The following TMEM203 variants were observed in gnomAD, a reference collection of about 807,000 sequenced individuals.
TMEM203 encodes HBeAg-binding protein 1.
TMEM203 carries 4 observed loss-of-function variants against 7.9 expected under a neutral mutation model. The observed-to-expected ratio is 0.51, with a 90% CI of 0.25 to 1.16. TMEM203 has a LOEUF of 1.16. Ranked by LOEUF, TMEM203 falls within the 50% of genes most tolerant of loss-of-function variation. TMEM203 has a pLI of 0.15. For missense variants in TMEM203, 127 were observed against 174.4 expected, an observed-to-expected ratio of 0.73 and a Z score of 1.53; for synonymous variants, 92 against 82.5, an observed-to-expected ratio of 1.11 and a Z score of -0.62.
In TMEM203 at chr9:137,205,458, C is replaced by T. The variant is rs764463598; in HGVS notation, c.-44G>A. The T allele has an allele frequency of 3.4e-6, 5 of 1,455,904 alleles. No homozygotes were observed. In the South Asian group the frequency reaches 7.0e-5, roughly 20 times the overall value. 90.2% of individuals were successfully genotyped at this position (1,455,904 alleles called of 1,614,324 possible). ...GCCGGGGCCCGGCCGAGCGTGCCACCCGCGGGGCTGCGTCTCCTCTCCCCG... is the reference window on the plus strand; with the variant it reads ...GCCGGGGCCCGGCCGAGCGTGCCACTCGCGGGGCTGCGTCTCCTCTCCCCG... On this transcript the variant is annotated 5_prime_UTR_variant, in exon 1 of 1. Transcript: ENST00000343666.
In TMEM203 at chr9:137,205,355, G is replaced by A. The variant is rs1284112452; in HGVS notation, c.60C>T (p.Phe20=). The change falls in exon 1 of 1, where the codon TTC becomes TTT. Residue 20 remains phenylalanine, a synonymous_variant. Transcript: ENST00000343666. ...QWLGFATFEI[F]VHLLALLVFS... ...ACACCAACAGGGCCAGCAGGTGCAC[G>A]AAGATCTCGAAGGTGGCGAAGCCTA... 8.1e-6 allele frequency: 13 copies of A among 1,606,624 alleles called. No individual in the cohort carries two copies. The African/African-American group carries it at 1.6e-4, about 20-fold the overall frequency.
Position 137,205,537 on chromosome 9 carries a change from C to T in TMEM203, c.-123G>A. On this transcript the variant is annotated 5_prime_UTR_variant, in exon 1 of 1. Coordinates refer to ENST00000343666, the MANE Select transcript of TMEM203 (RefSeq NM_053045.2). ...CTGCGAGCGAGAGGCAGCGAGCGGCCCCGCCAGCCCCAGCCCTCGGCCCTG... is the reference window on the plus strand; with the variant it reads ...CTGCGAGCGAGAGGCAGCGAGCGGCTCCGCCAGCCCCAGCCCTCGGCCCTG... 8.3e-7 allele frequency: 1 copy of T among 1,200,712 alleles called. No homozygotes were observed. Among genetic ancestry groups the T allele is most frequent in the Non-Finnish European group, 1.1e-6 (1 of 926,352 alleles). 74.4% of individuals were successfully genotyped at this position (1,200,712 alleles called of 1,614,324 possible).
In TMEM203 at chr9:137,205,297, G is replaced by A. The variant is rs11545810; in HGVS notation, c.118C>T (p.Leu40=). ...SVLLALRVDG[L]VPGLSWWNVF... Reference sequence around the variant, plus strand: ...TTCCACCAGGAGAGGCCCGGGACCAGGCCATCCACACGCAGTGCCAGCAGC... The same window carrying A: ...TTCCACCAGGAGAGGCCCGGGACCAAGCCATCCACACGCAGTGCCAGCAGC... Residue 40 remains leucine (L), a synonymous_variant, in exon 1 of 1, where the codon CTG becomes TTG. Coordinates refer to ENST00000343666, the MANE Select transcript of TMEM203 (RefSeq NM_053045.2). 1 of 1,611,302 alleles carries A rather than the reference G, an allele frequency of 6.2e-7. No homozygotes were observed. Among genetic ancestry groups the A allele is most frequent in the East Asian group, 2.2e-5 (1 of 44,814 alleles).
At position 137,205,601 on chromosome 9, in the gene TMEM203, C is replaced by G; in HGVS notation, c.-187G>C. The G allele has an allele frequency of 7.8e-7, 1 of 1,283,990 alleles. No homozygotes were observed. The highest frequency in any genetic ancestry group is 1.1e-6 in the Non-Finnish European group (1 of 946,554). The allele number at this position is 1,283,990 out of a possible 1,614,324, so 79.5% of individuals were successfully genotyped here. The stretch of plus-strand genomic sequence containing the variant: ...CCCCCGGCCCCGACCCGGGACTCAA[C>G]CCTGGCCGCCCGTGAACGCCCGCCT... On this transcript the variant is annotated 5_prime_UTR_variant, in exon 1 of 1. Coordinates refer to ENST00000343666, the MANE Select transcript of TMEM203 (RefSeq NM_053045.2).
chr9:137,205,393 G>C lies in TMEM203; in HGVS notation c.22C>G (p.Leu8Val), dbSNP rs935276970. MLFSLRELVQWLGFATFE... is the reference protein window; with the variant it reads MLFSLREVVQWLGFATFE... ...GTGGCGAAGCCTAGCCACTGCACCA[G>C]CTCCCGGAGCGAGAAGAGCATCGCG... is the stretch of plus-strand genomic sequence containing the variant. Residue 8 changes from leucine to valine, a missense_variant, in exon 1 of 1, where the codon CTG becomes GTG. By Grantham distance (32) the Leu-to-Val change is conservative. Transcript: ENST00000343666. 8 of 1,585,264 alleles carry C rather than the reference G, an allele frequency of 5.0e-6. No individual in the cohort carries two copies. The highest frequency in any genetic ancestry group is 6.9e-6 in the Non-Finnish European group (8 of 1,164,316).
In TMEM203 at chr9:137,205,615, G is replaced by C; in HGVS notation, c.-201C>G. 7.5e-7 allele frequency: 1 copy of C among 1,333,520 alleles called. No homozygotes were observed. The highest frequency in any genetic ancestry group is 1.0e-6 in the Non-Finnish European group (1 of 982,434). 82.6% of individuals were successfully genotyped at this position (1,333,520 alleles called of 1,614,324 possible). ...CCGGGACTCAACCCTGGCCGCCCGT[G>C]AACGCCCGCCTCGATCGGACGCCAT... is the stretch of plus-strand genomic sequence containing the variant. On this transcript the variant is annotated 5_prime_UTR_variant, in exon 1 of 1. It introduces an in-frame stop codon into an upstream open reading frame of the 5' UTR. Transcript: ENST00000343666.
Position 137,205,613 on chromosome 9 carries a change from G to A in TMEM203, c.-199C>T. On this transcript the variant is annotated 5_prime_UTR_variant, in exon 1 of 1. It adds an upstream start codon to the 5' untranslated region. Coordinates refer to ENST00000343666, the MANE Select transcript of TMEM203 (RefSeq NM_053045.2). ...ACCCGGGACTCAACCCTGGCCGCCC[G>A]TGAACGCCCGCCTCGATCGGACGCC... The A allele has an allele frequency of 7.6e-7, 1 of 1,322,952 alleles. No individual in the cohort carries two copies. The highest frequency in any genetic ancestry group is 2.1e-5 in the Admixed American group (1 of 46,986). 82.0% of individuals were successfully genotyped at this position (1,322,952 alleles called of 1,614,324 possible).
chr9:137,205,212 G>C lies in TMEM203; in HGVS notation c.203C>G (p.Ser68Cys). 6.2e-7 allele frequency: 1 copy of C among 1,612,400 alleles called. No homozygotes were observed. The highest frequency in any genetic ancestry group is 1.1e-5 in the South Asian group (1 of 90,998). Residue 68 changes from serine to cysteine, a missense_variant, in exon 1 of 1, where the codon TCC becomes TGC. By Grantham distance (112) the Ser-to-Cys change is moderately radical. Transcript: ENST00000343666. ...GLSTYFTTIVSVRLFQDGEKR... is the reference protein window; with the variant it reads ...GLSTYFTTIVCVRLFQDGEKR... ...CTCTCCATCCTGGAAGAGGCGCACG[G>C]ACACGATGGTGGTGAAGTAGGTGCT...
In TMEM203 at chr9:137,204,927, G is replaced by A; in HGVS notation, c.*77C>T. The A allele has an allele frequency of 6.6e-7, 1 of 1,515,244 alleles. No homozygotes were observed. Among genetic ancestry groups the A allele is most frequent in the Non-Finnish European group, 8.9e-7 (1 of 1,129,330 alleles). 93.9% of individuals were successfully genotyped at this position (1,515,244 alleles called of 1,614,324 possible). On this transcript the variant is annotated 3_prime_UTR_variant, in exon 1 of 1. Transcript: ENST00000343666. ...TTCAGACTAGAGAGCCTCTCCTCCG[G>A]TGCGCTGCAAGTAGGGCCTCGGCTC...
rs753212061 is a variant in TMEM203 at position 137,205,214 on chromosome 9, C to T, written c.201G>A (p.Val67=). 1.2e-6 allele frequency: 2 copies of T among 1,612,420 alleles called. No homozygotes were observed. Among genetic ancestry groups the T allele is most frequent in the Non-Finnish European group, 1.7e-6 (2 of 1,179,718 alleles). Residue 67 remains valine (V), a synonymous_variant, in exon 1 of 1, where the codon GTG becomes GTA. Transcript: ENST00000343666. The part of the protein sequence containing the change: ...DGLSTYFTTI[V]SVRLFQDGEK... ...CTCCATCCTGGAAGAGGCGCACGGACACGATGGTGGTGAAGTAGGTGCTGA... is the reference window on the plus strand; with the variant it reads ...CTCCATCCTGGAAGAGGCGCACGGATACGATGGTGGTGAAGTAGGTGCTGA...
Position 137,205,425 on chromosome 9 carries a change from G to C in TMEM203, c.-11C>G. On this transcript the variant is annotated 5_prime_UTR_variant, in exon 1 of 1. Transcript: ENST00000343666. ...GAGCGAGAAGAGCATCGCGCCCGTT[G>C]AGCGCGGGCCGGGGCCCGGCCGAGC... 2.6e-6 allele frequency: 4 copies of C among 1,542,172 alleles called. No homozygotes were observed. The highest frequency in any genetic ancestry group is 1.2e-5 in the South Asian group (1 of 84,494).
Position 137,204,239 on chromosome 9 carries a change from T to C in TMEM203, c.*765A>G, listed in dbSNP as rs1307635765. ...GTGCCTATGAGTATCTGACACCTGT[T>C]CCTCTCTTCAGTCTCTTAGGGAGGC... On this transcript the variant is annotated 3_prime_UTR_variant, in exon 1 of 1. Coordinates refer to ENST00000343666, the MANE Select transcript of TMEM203 (RefSeq NM_053045.2). 1 of 152,198 alleles carries C rather than the reference T, an allele frequency of 6.6e-6. No homozygotes were observed. Among genetic ancestry groups the C allele is most frequent in the Non-Finnish European group, 1.5e-5 (1 of 68,036 alleles). 9.4% of individuals were successfully genotyped at this position (152,198 alleles called of 1,614,324 possible).
In TMEM203 at chr9:137,204,164, G is replaced by T. The variant is rs142871781; in HGVS notation, c.*840C>A. On this transcript the variant is annotated 3_prime_UTR_variant, in exon 1 of 1. Coordinates refer to ENST00000343666, the MANE Select transcript of TMEM203 (RefSeq NM_053045.2). ...CCTGACTGGCATCAAACCAAAGTTC[G>T]TAGGCCAACAAAGATGGGCCACTCA... 1 of 152,170 alleles carries T rather than the reference G, an allele frequency of 6.6e-6. No homozygotes were observed. The highest frequency in any genetic ancestry group is 2.1e-4 in the South Asian group (1 of 4,834). The allele number at this position is 152,170 out of a possible 1,614,324, so 9.4% of individuals were successfully genotyped here. A position where few individuals can be genotyped will look rare whatever the true frequency, so the allele number is the denominator to read the frequency against.
chr9:137,204,258 G>C lies in TMEM203; in HGVS notation c.*746C>G, dbSNP rs1239943407. 26 of 152,166 alleles carry C rather than the reference G, an allele frequency of 1.7e-4. No individual in the cohort carries two copies. The highest frequency in any genetic ancestry group is 1.7e-3 in the Admixed American group (26 of 15,278). The allele number at this position is 152,166 out of a possible 1,614,324, so 9.4% of individuals were successfully genotyped here. ...ACCTGTTCCTCTCTTCAGTCTCTTAGGGAGGCTTAAATCTGTCTCAGGTGT... is the reference window on the plus strand; with the variant it reads ...ACCTGTTCCTCTCTTCAGTCTCTTACGGAGGCTTAAATCTGTCTCAGGTGT... On this transcript the variant is annotated 3_prime_UTR_variant, in exon 1 of 1. Transcript: ENST00000343666.
chr9:137,205,623 G>C lies in TMEM203; in HGVS notation c.-209C>G, dbSNP rs1231090107. 1 of 1,360,490 alleles carries C rather than the reference G, an allele frequency of 7.4e-7. No homozygotes were observed. The highest frequency in any genetic ancestry group is 1.0e-6 in the Non-Finnish European group (1 of 999,950). The allele number at this position is 1,360,490 out of a possible 1,614,324, so 84.3% of individuals were successfully genotyped here. On this transcript the variant is annotated 5_prime_UTR_variant, in exon 1 of 1. Transcript: ENST00000343666. ...CAACCCTGGCCGCCCGTGAACGCCCGCCTCGATCGGACGCCATGCCCCCAC... is the reference window on the plus strand; with the variant it reads ...CAACCCTGGCCGCCCGTGAACGCCCCCCTCGATCGGACGCCATGCCCCCAC...
rs770359904 is a variant in TMEM203 at position 137,204,977 on chromosome 9, C to A, written c.*27G>T. On this transcript the variant is annotated 3_prime_UTR_variant, in exon 1 of 1. Coordinates refer to ENST00000343666, the MANE Select transcript of TMEM203 (RefSeq NM_053045.2). ...CGAGGTCAACATTCTAGTTGTCCAG[C>A]GCTCCCTCTCCGGCACCTCGGTGAG... 1.9e-6 allele frequency: 3 copies of A among 1,584,172 alleles called. No homozygotes were observed. Among genetic ancestry groups the A allele is most frequent in the East Asian group, 4.5e-5 (2 of 44,446 alleles).
rs748560913 is a variant in TMEM203 at position 137,204,962 on chromosome 9, A to G, written c.*42T>C. The G allele has an allele frequency of 6.4e-6, 10 of 1,567,444 alleles. 1 individual carries two copies. The South Asian group carries it at 1.2e-4, about 18-fold the overall frequency. On this transcript the variant is annotated 3_prime_UTR_variant, in exon 1 of 1. Transcript: ENST00000343666. Reference sequence around the variant, plus strand: ...AGTAGGGCCTCGGCTCGAGGTCAACATTCTAGTTGTCCAGCGCTCCCTCTC... The same window carrying G: ...AGTAGGGCCTCGGCTCGAGGTCAACGTTCTAGTTGTCCAGCGCTCCCTCTC...
At position 137,204,633 on chromosome 9, in the gene TMEM203, G is replaced by C. The variant is rs139631190; in HGVS notation, c.*371C>G. ...CCAGCTTTGCAGCCTTTGTGCAACA[G>C]TACTTTCCCAGGATCCACAGGAAAT... On this transcript the variant is annotated 3_prime_UTR_variant, in exon 1 of 1. Transcript: ENST00000343666. The C allele has an allele frequency of 0.015, 3,139 of 207,980 alleles. 44 individuals are homozygous for C. The highest frequency in any genetic ancestry group is 0.035 in the Middle Eastern group (17 of 490). 12.9% of individuals were successfully genotyped at this position (207,980 alleles called of 1,614,324 possible).
At position 137,205,096 on chromosome 9, in the gene TMEM203, C is replaced by A; in HGVS notation, c.319G>T (p.Glu107Ter). 1 of 1,612,946 alleles carries A rather than the reference C, an allele frequency of 6.2e-7. No homozygotes were observed. Among genetic ancestry groups the A allele is most frequent in the Non-Finnish European group, 8.5e-7 (1 of 1,179,992 alleles). Residue 107 changes from glutamate to a stop codon, truncating the protein, a stop_gained, in exon 1 of 1, where the codon GAG (glutamate) becomes TAG (stop). Coordinates refer to ENST00000343666, the MANE Select transcript of TMEM203 (RefSeq NM_053045.2). LOFTEE classifies it high-confidence loss of function. ...CCGAACCAGAGCTCCCGAGTCTGCT[C>A]CGCCAGCTTCTGGCACAACAGCATC... ...FEMLLCQKLA[E>*]QTRELWFGLI...
Sources: allele counts gnomAD v4.1 joint callset, GRCh38; gene constraint gnomAD v4.1.1; transcripts MANE v1.5; gene names NCBI Gene and HGNC (gene_info 2026-07-23, HGNC 2026-07-21).